The following CCDC73 variants were observed in gnomAD, a reference collection of about 807,000 sequenced individuals.
The protein encoded by CCDC73 is coiled-coil domain-containing protein 73.
In CCDC73, 95 loss-of-function variants were observed where a neutral mutation model predicts 116.5. That is an observed-to-expected ratio of 0.82 (90% CI 0.69 to 0.97). CCDC73 has a LOEUF of 0.97. Among genes scored for constraint, CCDC73 ranks in the 50% least tolerant of loss-of-function variants. The probability of loss-of-function intolerance (pLI) is 0.00; values close to 1 mark genes in which losing one functional copy is unlikely to be tolerated. For synonymous variants in CCDC73, 398 were observed against 401.3 expected, an observed-to-expected ratio of 0.99 and a Z score of 0.10; for missense variants, 1,066 against 1,206.8, an observed-to-expected ratio of 0.88 and a Z score of 1.73.
intron 9 of CCDC73, among the ~76,000 whole-genome samples, chr11:32,660,266 C>G (rs908944180): frequency 6.9e-6 from 1 of 144,912 alleles, no homozygotes; most frequent in Non-Finnish European, 1.5e-5. Flanking sequence ...CAGGTTGGAT[C>G]CAGTTAACCA....
intron 9 of CCDC73, among the ~76,000 whole-genome samples, chr11:32,657,552 C>T (rs1299392196): frequency 6.6e-6 from 1 of 152,166 alleles, no homozygotes. Context: ...CCACACTGCT[C>T]TGTGCCCTAT....
chr11:32,608,647 G>A (rs912206159), intron 17 of CCDC73, among the ~76,000 whole-genome samples: 1 of 152,240 alleles, frequency 6.6e-6, no homozygotes, highest in South Asian at 2.1e-4. Flanking sequence ...CCACTAGCCA[G>A]CACCCCAGTA....
intron 2 of CCDC73, chr11:32,758,505 C>A: frequency 2.2e-6 from 1 of 457,896 alleles, no homozygotes; most frequent in South Asian, 1.7e-5. Flanking sequence ...TATGGTGGTT[C>A]CATGTATGCT....
At chr11:32,666,906 G>C (rs967783169) in intron 9 of CCDC73, among the ~76,000 whole-genome samples, 3 of 152,214 alleles carry the variant, frequency 2.0e-5, no homozygotes, top group Non-Finnish European at 2.9e-5. Flanking sequence ...AGGTCTGTTG[G>C]AGTTTGCTGG....
chr11:32,699,584 A>G (rs1849791038), intron 5 of CCDC73, among the ~76,000 whole-genome samples: 1 of 152,180 alleles, frequency 6.6e-6, no homozygotes, highest in Non-Finnish European at 1.5e-5. Context: ...CTTTGTAGGG[A>G]CATGGATGAA....
chr11:32,693,764 G>A (rs888592172), intron 6 of CCDC73, among the ~76,000 whole-genome samples: 1 of 152,180 alleles, frequency 6.6e-6, no homozygotes, highest in Non-Finnish European at 1.5e-5. Context: ...TTCAACATAT[G>A]CAAATCAATA....
At chr11:32,752,369 T>C (rs1218559874) in intron 2 of CCDC73, among the ~76,000 whole-genome samples, 1 of 152,222 alleles carries the variant, frequency 6.6e-6, no homozygotes, top group Middle Eastern at 3.2e-3. Context: ...AATATCACTG[T>C]AGCAAAATAT....
rs902171281 is a variant in CCDC73, at chr11:32,753,280, T to C, written c.135+6829A>G. Among the ~76,000 whole-genome samples, 8 of 146,452 alleles carry C rather than the reference T, an allele frequency of 5.5e-5. No homozygotes were observed. The East Asian group carries it at 1.7e-3, about 30-fold the overall frequency. On this transcript the variant is annotated intron_variant, in intron 2 of 17. Coordinates refer to ENST00000335185, the MANE Select transcript of CCDC73 (RefSeq NM_001008391.4). ...GTAGAGTGTTTTTCTTTGCATTTAG[T>C]TTTTCTTTTCTGCTTTTTTTTTTTT...
chr11:32,693,193 T>G (rs902545425), intron 6 of CCDC73, among the ~76,000 whole-genome samples: 2 of 152,210 alleles, frequency 1.3e-5, no homozygotes, highest in African/African-American at 2.4e-5. Flanking sequence ...CAGAGTATGA[T>G]CTTATGAAAG....
Position 32,720,467 on chromosome 11 carries a change from T to C in CCDC73, c.136-2320A>G, listed in dbSNP as rs538049703. On this transcript the variant is annotated intron_variant, in intron 2 of 17. Coordinates refer to ENST00000335185, the MANE Select transcript of CCDC73 (RefSeq NM_001008391.4). ...GCTTTCCCTTTAAGATCAGAAACAA[T>C]GTAGGGATGTCTATTCTCATCGCTC... is the stretch of plus-strand genomic sequence containing the variant. 3.3e-5 allele frequency among the ~76,000 whole-genome samples: 5 copies of C among 152,216 alleles called. No homozygotes were observed. The East Asian group carries it at 5.8e-4, about 18-fold the overall frequency.
intron 6 of CCDC73, among the ~76,000 whole-genome samples, chr11:32,696,427 C>G (rs958337539): frequency 1.3e-5 from 2 of 151,890 alleles, no homozygotes; most frequent in Admixed American, 1.3e-4. Context: ...ATGGTCAAGA[C>G]CTAAATATCT....
chr11:32,729,092 T>C (rs1850054030), intron 2 of CCDC73, among the ~76,000 whole-genome samples: 1 of 152,082 alleles, frequency 6.6e-6, no homozygotes, highest in African/African-American at 2.4e-5. Flanking sequence ...TGTGCCATGA[T>C]GGTTTGCTGC....
At chr11:32,778,741 G>A (rs1038464524) in intron 1 of CCDC73, among the ~76,000 whole-genome samples, 14 of 152,050 alleles carry the variant, frequency 9.2e-5, no homozygotes, top group African/African-American at 3.4e-4. Context: ...GAACCTTGCA[G>A]TCAGCTGAGA....
chr11:32,772,151 G>A (rs548180501), intron 1 of CCDC73, among the ~76,000 whole-genome samples: 26 of 152,230 alleles, frequency 1.7e-4, no homozygotes, highest in African/African-American at 6.3e-4. Context: ...TTAAGTTGGA[G>A]GTGATTTGCT....
At chr11:32,794,198 AGTT>A (rs979280920) in intron 1 of CCDC73, among the ~76,000 whole-genome samples, 20 of 152,096 alleles carry the variant, frequency 1.3e-4, no homozygotes, top group Admixed American at 1.2e-3. Flanking sequence ...GAGCGGTCAG[AGTT>A]GTTTGAAAAT....
chr11:32,602,917 G>A lies in CCDC73; in HGVS notation c.3134C>T (p.Thr1045Met), dbSNP rs769837758. 1.1e-5 allele frequency: 17 copies of A among 1,612,204 alleles called. No individual in the cohort carries two copies. Among genetic ancestry groups the A allele is most frequent in the Admixed American group, 1.7e-5 (1 of 59,866 alleles). ...ATTTTCACTTTTATTTAGTTGATTC[G>A]TAATGAGGCTCTGCCAGTCATCATC... ...SGDDDWQSLI[T>M]NQLNKSENLL... Residue 1045 changes from threonine to methionine, a missense_variant, in exon 18 of 18, where the codon ACG becomes ATG. Coordinates refer to ENST00000335185, the MANE Select transcript of CCDC73 (RefSeq NM_001008391.4).
chr11:32,615,958 C>A lies in CCDC73; in HGVS notation c.1357G>T (p.Glu453Ter), dbSNP rs375600920. 6.4e-7 allele frequency: 1 copy of A among 1,568,620 alleles called. No homozygotes were observed. Among genetic ancestry groups the A allele is most frequent in the South Asian group, 1.2e-5 (1 of 86,162 alleles). Residue 453 changes from glutamate to a stop codon, truncating the protein, a stop_gained, in exon 15 of 18, where the codon GAG becomes TAG. Coordinates refer to ENST00000335185, the MANE Select transcript of CCDC73 (RefSeq NM_001008391.4). LOFTEE classifies it high-confidence loss of function. ...KEEKKEGSFIEEIIIDDLQLF... is the reference protein window; with the variant it reads ...KEEKKEGSFI Reference sequence around the variant, plus strand: ...AGGTTACCATCTATAATTATTTCCTCTATAAATGAGCCTTCTTTTTTTTCT... The same window carrying A: ...AGGTTACCATCTATAATTATTTCCTATATAAATGAGCCTTCTTTTTTTTCT...
chr11:32,703,739 GA>G (rs5790895), intron 3 of CCDC73, among the ~76,000 whole-genome samples: 89,628 of 151,898 alleles, frequency 0.59, 26,753 homozygotes, highest in East Asian at 0.84. Context: ...AGAATTTCTG[GA>G]AAAAAATCTA....
At chr11:32,830,487 AT>A in the CCDC73 span, 690 of 1,401,650 alleles carry the variant, frequency 4.9e-4, no homozygotes, top group South Asian at 8.1e-4. Context: ...TTTTTTTAAT[AT>A]TTTTTTTTGT....
Sources: gnomAD v4.1 joint callset for allele counts (sites outside exome capture counted in the v4.1 genomes callset) on GRCh38, gnomAD v4.1.1 for gene constraint, MANE v1.5 for transcripts, NCBI Gene and HGNC (gene_info 2026-07-23, HGNC 2026-07-21) for gene names.